SUGCT: variants seen among roughly 807,000 people sequenced by gnomAD.
SUGCT encodes the protein succinyl-CoA:glutarate-CoA transferase.
Under a neutral mutation model 55.0 loss-of-function variants are expected in SUGCT, and 41 were observed. The ratio of observed to expected loss-of-function variants is 0.74; its 90% CI spans 0.58 to 0.97. The LOEUF is 0.97. SUGCT is among the 50% of genes least tolerant of loss of function. The probability of loss-of-function intolerance (pLI) is 0.00; values close to 1 mark genes in which losing one functional copy is unlikely to be tolerated. For missense variants in SUGCT, 568 were observed against 547.8 expected, an observed-to-expected ratio of 1.04 and a Z score of -0.37; for synonymous variants, 187 against 200.4, an observed-to-expected ratio of 0.93 and a Z score of 0.56.
chr7:40,191,260 A>C (rs987837760), intron 5 of SUGCT, among the ~76,000 whole-genome samples: 1 of 151,692 alleles, frequency 6.6e-6, no homozygotes, highest in Non-Finnish European at 1.5e-5. Context: ...CAGGTGATCC[A>C]CCCGCCTCGG....
chr7:40,991,240 G>C, the SUGCT span, among the ~76,000 whole-genome samples: 2 of 152,160 alleles, frequency 1.3e-5, no homozygotes, highest in East Asian at 3.9e-4. Context: ...TGAGGAGATG[G>C]AGAAAGATGG....
At chr7:40,442,530 A>G (rs1166710988) in intron 9 of SUGCT, among the ~76,000 whole-genome samples, 2 of 152,034 alleles carry the variant, frequency 1.3e-5, no homozygotes, top group Non-Finnish European at 2.9e-5. Flanking sequence ...TTCTACAGTG[A>G]TAACATATTA....
At position 40,418,211 on chromosome 7, in the gene SUGCT, T is replaced by G. The variant is rs575841655; in HGVS notation, c.817-31076T>G. Among the ~76,000 whole-genome samples, 9 of 152,300 alleles carry G rather than the reference T, an allele frequency of 5.9e-5. No homozygotes were observed. The South Asian group carries it at 1.9e-3, about 32-fold the overall frequency. ...CAATAGACACTATGTCAGCAGTCAT[T>G]GTGTTCCTGATTGTTTGATTGCAAG... is the stretch of plus-strand genomic sequence containing the variant. On this transcript the variant is annotated intron_variant, in intron 9 of 13. Transcript: ENST00000335693.
chr7:40,772,871 C>A (rs553048290), intron 13 of SUGCT, among the ~76,000 whole-genome samples: 1 of 152,022 alleles, frequency 6.6e-6, no homozygotes, highest in Non-Finnish European at 1.5e-5. Flanking sequence ...GCAATCTGCC[C>A]GCCACGGCCT....
chr7:40,314,701 A>T (rs1262065443), intron 8 of SUGCT, among the ~76,000 whole-genome samples: 1 of 151,430 alleles, frequency 6.6e-6, no homozygotes, highest in Admixed American at 6.6e-5. Context: ...AGTAGCTGGG[A>T]TTACAGGCAT....
chr7:40,653,395 A>T (rs954831996), intron 12 of SUGCT, among the ~76,000 whole-genome samples: 1 of 151,902 alleles, frequency 6.6e-6, no homozygotes, highest in African/African-American at 2.4e-5. Flanking sequence ...TGAGCTTATT[A>T]TTTTTTTTCC....
At chr7:40,148,989 G>A (rs1047988694) in intron 1 of SUGCT, among the ~76,000 whole-genome samples, 2 of 152,104 alleles carry the variant, frequency 1.3e-5, no homozygotes, top group African/African-American at 2.4e-5. Flanking sequence ...TCTTTGGTGG[G>A]TGACCCTGGA....
the SUGCT span, among the ~76,000 whole-genome samples, chr7:40,908,094 C>T: frequency 6.6e-6 from 1 of 151,838 alleles, no homozygotes; most frequent in Non-Finnish European, 1.5e-5. Context: ...AAAGTATGGA[C>T]CGGCCGGGTG....
intron 12 of SUGCT, among the ~76,000 whole-genome samples, chr7:40,645,672 G>T (rs754272117): frequency 5.9e-5 from 9 of 152,126 alleles, no homozygotes; most frequent in Non-Finnish European, 1.2e-4. Flanking sequence ...CAGACCTTTG[G>T]TATAGAAGCC....
chr7:40,409,263 T>C (rs1408519294), intron 9 of SUGCT, among the ~76,000 whole-genome samples: 1 of 112,848 alleles, frequency 8.9e-6, no homozygotes, highest in African/African-American at 3.0e-5. Flanking sequence ...GCTGTCTCTC[T>C]TTTTTATTTT....
At chr7:40,333,180 G>A (rs1796423861) in intron 9 of SUGCT, among the ~76,000 whole-genome samples, 1 of 152,016 alleles carries the variant, frequency 6.6e-6, no homozygotes, top group Admixed American at 6.6e-5. Flanking sequence ...AAATCTTTAG[G>A]AGCATCAGGG....
chr7:40,420,818 T>C (rs1373749603), intron 9 of SUGCT, among the ~76,000 whole-genome samples: 3 of 151,788 alleles, frequency 2.0e-5, no homozygotes, highest in African/African-American at 4.8e-5. Context: ...CACACACACA[T>C]GCACACACCC....
intron 12 of SUGCT, among the ~76,000 whole-genome samples, chr7:40,697,309 A>G (rs979422237): frequency 1.3e-5 from 2 of 152,088 alleles, no homozygotes; most frequent in African/African-American, 2.4e-5. Flanking sequence ...CACAGTGCCC[A>G]GTGAAATGAA....
At chr7:40,898,419 G>C in the SUGCT span, among the ~76,000 whole-genome samples, 1 of 141,280 alleles carries the variant, frequency 7.1e-6, no homozygotes, top group Admixed American at 7.9e-5. Context: ...TCATCTTTAA[G>C]AACTGTAACA....
chr7:40,817,572 A>T (rs147983032), intron 13 of SUGCT, among the ~76,000 whole-genome samples: 177 of 152,322 alleles, frequency 1.2e-3, no homozygotes, highest in African/African-American at 4.0e-3. Flanking sequence ...AATAATGATA[A>T]TTTTTGTCTT....
chr7:40,261,198 G>A (rs535448781), intron 7 of SUGCT, among the ~76,000 whole-genome samples: 17 of 152,200 alleles, frequency 1.1e-4, no homozygotes. Flanking sequence ...TGGGTAAGAT[G>A]TAGAGCAGTT....
intron 8 of SUGCT, among the ~76,000 whole-genome samples, chr7:40,297,328 C>CT (rs909821785): frequency 6.2e-4 from 92 of 148,576 alleles, no homozygotes; most frequent in Admixed American, 9.4e-4. Flanking sequence ...TTTGCTACTA[C>CT]TTTTTTTTTT....
intron 9 of SUGCT, among the ~76,000 whole-genome samples, chr7:40,317,584 T>A (rs1310514835): frequency 6.6e-6 from 1 of 152,186 alleles, no homozygotes; most frequent in Non-Finnish European, 1.5e-5. Flanking sequence ...TCACAATCAA[T>A]GGAAGCACAT....
intron 9 of SUGCT, among the ~76,000 whole-genome samples, chr7:40,383,649 A>G (rs77753592): frequency 0.018 from 2,769 of 152,266 alleles, 69 homozygotes; most frequent in African/African-American, 0.057. Context: ...TATAGATAAA[A>G]TGTAGGAATT....
Sources: gnomAD v4.1 joint callset for allele counts (sites outside exome capture counted in the v4.1 genomes callset) on GRCh38, gnomAD v4.1.1 for gene constraint, MANE v1.5 for transcripts, NCBI Gene and HGNC (gene_info 2026-07-23, HGNC 2026-07-21) for gene names.